The following ALPK1 variants were observed in gnomAD, a reference collection of about 807,000 sequenced individuals.
ALPK1 encodes alpha-protein kinase 1.
ALPK1 carries 110 observed loss-of-function variants against 120.6 expected under a neutral mutation model. The ratio of observed to expected loss-of-function variants is 0.91; its 90% CI spans 0.78 to 1.07. The LOEUF (loss-of-function observed/expected upper bound fraction) is 1.07, where lower values mean the gene tolerates loss of function less well. Ranked by LOEUF, ALPK1 falls within the 50% of genes least tolerant of loss-of-function variation. The pLI is 0.00. For synonymous variants in ALPK1, 582 were observed against 560.3 expected, an observed-to-expected ratio of 1.04 and a Z score of -0.55; for missense variants, 1,498 against 1,483.9, an observed-to-expected ratio of 1.01 and a Z score of -0.16.
Position 112,427,572 on chromosome 4 carries a change from C to T in ALPK1, c.702C>T (p.Gly234=). Residue 234 remains glycine (G), a splice_region_variant and synonymous_variant, in exon 9 of 16, where the codon GGC becomes GGT. Coordinates refer to ENST00000650871, the MANE Select transcript of ALPK1 (RefSeq NM_025144.4). ...YLALPQPDKK[G]LSTSLGILAD... is the part of the protein sequence containing the mutation. Reference sequence around the variant, plus strand: ...ACTTCTTTGTGTTTTTCTTACAGGGCCTCTCCACGTCGCTAGGTATACTGG... The same window carrying T: ...ACTTCTTTGTGTTTTTCTTACAGGGTCTCTCCACGTCGCTAGGTATACTGG... The T allele has an allele frequency of 6.2e-7, 1 of 1,612,814 alleles. No individual in the cohort carries two copies. Among genetic ancestry groups the T allele is most frequent in the Non-Finnish European group, 8.5e-7 (1 of 1,178,888 alleles).
intron 9 of ALPK1, among the ~76,000 whole-genome samples, chr4:112,428,411 C>A (rs1734336138): frequency 6.6e-6 from 1 of 152,200 alleles, no homozygotes. Context: ...TAAATCACAA[C>A]AGTAACCATG....
At chr4:112,411,540 TG>T (rs1366162683) in intron 4 of ALPK1, among the ~76,000 whole-genome samples, 6 of 152,232 alleles carry the variant, frequency 3.9e-5, no homozygotes, top group Non-Finnish European at 8.8e-5. Context: ...TTTTACCCTA[TG>T]CGCTTTAGTA....
chr4:112,388,839 T>C (rs956193734), intron 4 of ALPK1, among the ~76,000 whole-genome samples: 1 of 152,228 alleles, frequency 6.6e-6, no homozygotes, highest in Non-Finnish European at 1.5e-5. Context: ...TCCCATGTAT[T>C]GACCTCCTAA....
At chr4:112,337,381 T>A (rs1211129149) in intron 2 of ALPK1, among the ~76,000 whole-genome samples, 2 of 152,156 alleles carry the variant, frequency 1.3e-5, no homozygotes, top group African/African-American at 4.8e-5. Flanking sequence ...AATAAGATGG[T>A]TTCTGAGTGC....
chr4:112,395,384 C>A (rs1195427870), intron 4 of ALPK1, among the ~76,000 whole-genome samples: 1 of 152,194 alleles, frequency 6.6e-6, no homozygotes, highest in Non-Finnish European at 1.5e-5. Context: ...GATTTTGAAT[C>A]AGTACTTTCT....
intron 11 of ALPK1, among the ~76,000 whole-genome samples, chr4:112,434,484 A>G (rs1049288236): frequency 6.6e-6 from 1 of 152,062 alleles, no homozygotes; most frequent in Non-Finnish European, 1.5e-5. Context: ...AAAGTGTTGC[A>G]CTCCTTCCTT....
At position 112,431,658 on chromosome 4, in the gene ALPK1, T is replaced by G. The variant is rs1230907454; in HGVS notation, c.2111T>G (p.Met704Arg). 1 of 1,614,078 alleles carries G rather than the reference T, an allele frequency of 6.2e-7. No individual in the cohort carries two copies. The highest frequency in any genetic ancestry group is 8.5e-7 in the Non-Finnish European group (1 of 1,180,028). Reference sequence around the variant, plus strand: ...GAAGGTATCCAGGAAGTCAGAAATATGGGACCCAGAAATACTTCTGCTCAC... The same window carrying G: ...GAAGGTATCCAGGAAGTCAGAAATAGGGGACCCAGAAATACTTCTGCTCAC... ...APEGIQEVRN[M>R]GPRNTSAHSR... Residue 704 changes from methionine to arginine, a missense_variant, in exon 11 of 16, where the codon ATG becomes AGG. By Grantham distance (91) the Met-to-Arg change is moderately conservative. Coordinates refer to ENST00000650871, the MANE Select transcript of ALPK1 (RefSeq NM_025144.4).
chr4:112,439,755 T>C lies in ALPK1; in HGVS notation c.3421T>C (p.Leu1141=), dbSNP rs1734948943. 1 of 1,613,646 alleles carries C rather than the reference T, an allele frequency of 6.2e-7. No individual in the cohort carries two copies. The highest frequency in any genetic ancestry group is 1.3e-5 in the African/African-American group (1 of 75,034). ...EPYILGEFVK[L]SNNTKVVKTE... is the part of the protein sequence containing the mutation. The stretch of plus-strand genomic sequence containing the variant: ...TTACATACTGGGAGAATTTGTAAAA[T>C]TGTCAAATAACACGAAAGTGGTGAA... Residue 1141 remains leucine (L), a synonymous_variant, in exon 14 of 16, where the codon TTG becomes CTG. Transcript: ENST00000650871.
intron 2 of ALPK1, chr4:112,357,948 C>T: frequency 1.3e-6 from 1 of 798,316 alleles, no homozygotes; most frequent in Non-Finnish European, 2.2e-6. Context: ...CAAGGATTGC[C>T]TCCCCCGGGG....
chr4:112,360,115 C>T (rs142479084), intron 2 of ALPK1, among the ~76,000 whole-genome samples: 1 of 152,206 alleles, frequency 6.6e-6, no homozygotes, highest in Non-Finnish European at 1.5e-5. Flanking sequence ...CCCCATACTG[C>T]TCTATGTTTC....
At chr4:112,317,541 A>C (rs1728688893) in intron 2 of ALPK1, among the ~76,000 whole-genome samples, 2 of 152,186 alleles carry the variant, frequency 1.3e-5, no homozygotes, top group African/African-American at 2.4e-5. Context: ...GTTGGAAGTC[A>C]TGTGACCCTA....
At chr4:112,421,832 G>A (rs1177348640) in intron 5 of ALPK1, among the ~76,000 whole-genome samples, 2 of 152,132 alleles carry the variant, frequency 1.3e-5, no homozygotes, top group African/African-American at 4.8e-5. Context: ...TTTGGATAGA[G>A]GATGCATCCT....
At chr4:112,389,089 G>C (rs904504040) in intron 4 of ALPK1, among the ~76,000 whole-genome samples, 2 of 148,846 alleles carry the variant, frequency 1.3e-5, no homozygotes, top group African/African-American at 2.5e-5. Context: ...CTGTTGTCCA[G>C]GCTGGAGTGC....
chr4:112,299,244 A>G (rs1727683481), intron 1 of ALPK1, among the ~76,000 whole-genome samples: 1 of 152,122 alleles, frequency 6.6e-6, no homozygotes, highest in Non-Finnish European at 1.5e-5. Flanking sequence ...ATCTGGTGCT[A>G]TCATTCTTCT....
intron 2 of ALPK1, among the ~76,000 whole-genome samples, chr4:112,364,737 G>C (rs1165499443): frequency 1.3e-5 from 2 of 151,918 alleles, no homozygotes; most frequent in Non-Finnish European, 2.9e-5. Context: ...ACCAAAACCA[G>C]GAAAAGATAT....
chr4:112,397,051 A>G (rs538935777), intron 4 of ALPK1, among the ~76,000 whole-genome samples: 136 of 152,350 alleles, frequency 8.9e-4, no homozygotes, highest in Non-Finnish European at 1.3e-3. Context: ...TGCTAGGATT[A>G]TAGATGTGAG....
chr4:112,431,714 T>G lies in ALPK1; in HGVS notation c.2167T>G (p.Ser723Ala). The change falls in exon 11 of 16, where the codon TCT becomes GCT. Residue 723 changes from serine (S) to alanine (A), a missense_variant. Physicochemically the swap from Ser to Ala is moderately conservative, Grantham distance 99. Transcript: ENST00000650871. ...ACCCTCATATCGTTCTGCTTCTTGG[T>G]CTTCTGATTCTGGTAGGCCCAAGAA... ...SRPSYRSASW[S>A]SDSGRPKNMG... 1 of 1,614,196 alleles carries G rather than the reference T, an allele frequency of 6.2e-7. No individual in the cohort carries two copies. Among genetic ancestry groups the G allele is most frequent in the Non-Finnish European group, 8.5e-7 (1 of 1,180,032 alleles).
intron 2 of ALPK1, chr4:112,359,373 C>T: frequency 2.8e-6 from 1 of 363,434 alleles, no homozygotes; most frequent in East Asian, 5.8e-5. Flanking sequence ...GGACAAGGTG[C>T]TGGCCCTACT....
chr4:112,398,465 T>TA (rs35742472), intron 4 of ALPK1, among the ~76,000 whole-genome samples: 3,717 of 152,160 alleles, frequency 0.024, 67 homozygotes, highest in Non-Finnish European at 0.039. Context: ...GCTAATTTTT[T>TA]AAAAAAATAT....
Sources: allele counts gnomAD v4.1 joint callset (sites outside exome capture counted in the v4.1 genomes callset), GRCh38; gene constraint gnomAD v4.1.1; transcripts MANE v1.5; gene names NCBI Gene and HGNC (gene_info 2026-07-23, HGNC 2026-07-21).